FNIP1: variants seen among roughly 807,000 people sequenced by gnomAD.
FNIP1 encodes the protein folliculin-interacting protein 1.
Under a neutral mutation model 124.5 loss-of-function variants are expected in FNIP1, and 40 were observed. The ratio of observed to expected loss-of-function variants is 0.32; its 90% CI spans 0.25 to 0.42. FNIP1 has a LOEUF of 0.42. FNIP1 is among the 10% of genes least tolerant of loss of function. The probability of loss-of-function intolerance (pLI) is 1.00; values close to 1 mark genes in which losing one functional copy is unlikely to be tolerated. For missense variants in FNIP1, 1,176 were observed against 1,403.7 expected, an observed-to-expected ratio of 0.84 and a Z score of 2.59; for synonymous variants, 472 against 470.6, an observed-to-expected ratio of 1.00 and a Z score of -0.04.
intron 1 of FNIP1, among the ~76,000 whole-genome samples, chr5:131,755,277 C>T (rs992484695): frequency 4.0e-5 from 6 of 151,716 alleles, no homozygotes; most frequent in Non-Finnish European, 2.9e-5. Flanking sequence ...AAAAATTAGC[C>T]GGGCATGATG....
chr5:131,725,914 T>C (rs11749484), intron 3 of FNIP1, among the ~76,000 whole-genome samples: 96,883 of 152,052 alleles, frequency 0.64, 32,895 homozygotes, highest in Non-Finnish European at 0.77. Context: ...GATAGGGTGT[T>C]GAATTTTATC....
intron 15 of FNIP1, among the ~76,000 whole-genome samples, chr5:131,661,923 G>A (rs1313664530): frequency 2.0e-5 from 3 of 152,156 alleles, no homozygotes; most frequent in African/African-American, 4.8e-5. Context: ...TGTACTTTTC[G>A]ATGGGTCAGT....
At chr5:131,760,643 A>T (rs1243791725) in intron 1 of FNIP1, among the ~76,000 whole-genome samples, 2 of 152,062 alleles carry the variant, frequency 1.3e-5, no homozygotes, top group Admixed American at 6.6e-5. Flanking sequence ...ATGTGTCTTG[A>T]ACTATGTTAG....
intron 3 of FNIP1, among the ~76,000 whole-genome samples, chr5:131,729,880 G>C (rs1259709122): frequency 1.3e-5 from 2 of 152,178 alleles, no homozygotes; most frequent in East Asian, 1.9e-4. Flanking sequence ...TGAGTAGCTG[G>C]GATTACAGGC....
chr5:131,700,309 G>T (rs1453418617), intron 10 of FNIP1, among the ~76,000 whole-genome samples: 2 of 152,064 alleles, frequency 1.3e-5, no homozygotes, highest in Non-Finnish European at 2.9e-5. Context: ...AATATATTTA[G>T]CCAAGGTTAA....
chr5:131,655,182 A>T (rs1767155508), intron 15 of FNIP1, among the ~76,000 whole-genome samples: 1 of 152,202 alleles, frequency 6.6e-6, no homozygotes, highest in South Asian at 2.1e-4. Flanking sequence ...TACGGAAAAT[A>T]AGAAAAGTTA....
chr5:131,761,384 T>C (rs1185294325), intron 1 of FNIP1, among the ~76,000 whole-genome samples: 2 of 152,172 alleles, frequency 1.3e-5, no homozygotes, highest in South Asian at 2.1e-4. Context: ...CTAAAGACTC[T>C]ATGAAAAAAC....
chr5:131,691,464 GA>G (rs576756503), intron 11 of FNIP1, among the ~76,000 whole-genome samples: 74 of 152,180 alleles, frequency 4.9e-4, no homozygotes, highest in African/African-American at 1.7e-3. Context: ...AAGCATTCAA[GA>G]GATAAGGAAT....
At chr5:131,724,299 T>C (rs1171190373) in intron 3 of FNIP1, among the ~76,000 whole-genome samples, 2 of 152,200 alleles carry the variant, frequency 1.3e-5, no homozygotes, top group Non-Finnish European at 2.9e-5. Flanking sequence ...TCTTCCATAA[T>C]GGTTGAACTA....
At chr5:131,732,384 T>C (rs1191092568) in intron 2 of FNIP1, among the ~76,000 whole-genome samples, 1 of 152,202 alleles carries the variant, frequency 6.6e-6, no homozygotes, top group Non-Finnish European at 1.5e-5. Flanking sequence ...TAGATATGAG[T>C]TCAACATGAG....
At chr5:131,697,483 T>A (rs1048632083) in intron 11 of FNIP1, among the ~76,000 whole-genome samples, 1 of 152,188 alleles carries the variant, frequency 6.6e-6, no homozygotes, top group Non-Finnish European at 1.5e-5. Flanking sequence ...AGTTTTATTA[T>A]GGTAAAGCAT....
chr5:131,651,264 G>A (rs1040678126), intron 16 of FNIP1, among the ~76,000 whole-genome samples: 3 of 152,042 alleles, frequency 2.0e-5, no homozygotes, highest in South Asian at 2.1e-4. Flanking sequence ...GTGGTAGCAC[G>A]TGCCTGTAGT....
chr5:131,647,867 C>G (rs181666028), intron 16 of FNIP1, among the ~76,000 whole-genome samples: 1 of 152,070 alleles, frequency 6.6e-6, no homozygotes, highest in East Asian at 1.9e-4. Flanking sequence ...AAACTTTTTT[C>G]ACTATGTTTT....
intron 2 of FNIP1, among the ~76,000 whole-genome samples, chr5:131,735,021 G>T (rs1770239688): frequency 6.6e-6 from 1 of 152,156 alleles, no homozygotes; most frequent in East Asian, 1.9e-4. Flanking sequence ...TATGTTTATT[G>T]CAGCACTACT....
At chr5:131,758,081 C>T (rs1021163680) in intron 1 of FNIP1, among the ~76,000 whole-genome samples, 9 of 151,968 alleles carry the variant, frequency 5.9e-5, no homozygotes, top group Non-Finnish European at 7.4e-5. Context: ...ATGAAATTAA[C>T]GAAATAAACT....
At chr5:131,746,909 T>TC (rs1304741515) in intron 1 of FNIP1, among the ~76,000 whole-genome samples, 1 of 152,218 alleles carries the variant, frequency 6.6e-6, no homozygotes, top group Non-Finnish European at 1.5e-5. Flanking sequence ...GTGTAAGTAT[T>TC]CCCTTTTCTC....
chr5:131,790,650 T>A lies in FNIP1; in HGVS notation c.92+6180A>T, dbSNP rs571171895. 3.3e-5 allele frequency among the ~76,000 whole-genome samples: 5 copies of A among 152,292 alleles called. No individual in the cohort carries two copies. In the East Asian group the frequency reaches 9.6e-4, roughly 29 times the overall value. On this transcript the variant is annotated intron_variant, in intron 1 of 17. Transcript: ENST00000510461. ...CTCAAGTAAGCAAAGAAGAGAGACGTGGACAATGACAACTATGACAGATGT... is the reference window on the plus strand; with the variant it reads ...CTCAAGTAAGCAAAGAAGAGAGACGAGGACAATGACAACTATGACAGATGT...
In FNIP1 at chr5:131,770,874, T is replaced by C. The variant is rs183577734; in HGVS notation, c.92+25956A>G. On this transcript the variant is annotated intron_variant, in intron 1 of 17. Transcript: ENST00000510461. ...TGTAGAGGCAAACAAACATATCAGT[T>C]TGTTTGTATGTGCACCAAACATTTT... 1.4e-4 allele frequency among the ~76,000 whole-genome samples: 22 copies of C among 152,304 alleles called. No homozygotes were observed. The East Asian group carries it at 3.9e-3, about 27-fold the overall frequency.
intron 16 of FNIP1, 144 bp from the exon 17 acceptor site, chr5:131,647,349 G>T: frequency 1.7e-6 from 1 of 577,526 alleles, no homozygotes; most frequent in Non-Finnish European, 3.0e-6. Flanking sequence ...TTTAAAGTAT[G>T]TAGTTTTAGC....
Sources: gnomAD v4.1 joint callset for allele counts (sites outside exome capture counted in the v4.1 genomes callset) on GRCh38, gnomAD v4.1.1 for gene constraint, MANE v1.5 for transcripts, NCBI Gene and HGNC (gene_info 2026-07-23, HGNC 2026-07-21) for gene names.